The following P3H1 variants were observed in gnomAD, a reference collection of about 807,000 sequenced individuals.
P3H1 encodes growth suppressor 1.
In P3H1, 69 loss-of-function variants were observed where a neutral mutation model predicts 84.0. That is an observed-to-expected ratio of 0.82 (90% confidence interval 0.68 to 1.00). P3H1 has a LOEUF of 1.00. Among genes scored for constraint, P3H1 ranks in the 50% least tolerant of loss-of-function variants. The pLI is 0.00. For synonymous variants in P3H1, 366 were observed against 388.8 expected, an observed-to-expected ratio of 0.94 and a Z score of 0.69; for missense variants, 878 against 962.8, an observed-to-expected ratio of 0.91 and a Z score of 1.17.
At chr1:42,764,974 T>G (rs1652914672) in intron 1 of P3H1, among the ~76,000 whole-genome samples, 1 of 152,178 alleles carries the variant, frequency 6.6e-6, no homozygotes, top group Non-Finnish European at 1.5e-5. Flanking sequence ...TAACCTCCTC[T>G]CTTGTGGACA....
rs1310769642 is a variant in P3H1, at chr1:42,755,500, C to T, written c.1170+48G>A. On this transcript the variant is annotated intron_variant, in intron 6 of 14. Coordinates refer to ENST00000296388, the MANE Select transcript of P3H1 (RefSeq NM_022356.4). ...TTCCCCTCCTCCCCATTCATCTCTCCTGCTCACTCTTTCCCCGCTCCCTTC... is the reference window on the plus strand; with the variant it reads ...TTCCCCTCCTCCCCATTCATCTCTCTTGCTCACTCTTTCCCCGCTCCCTTC... 8 of 1,472,546 alleles carry T rather than the reference C, an allele frequency of 5.4e-6. No individual in the cohort carries two copies. In the South Asian group the frequency reaches 9.1e-5, roughly 17 times the overall value. The allele number at this position is 1,472,546 out of a possible 1,614,324, so 91.2% of individuals were successfully genotyped here. A position where few individuals can be genotyped will look rare whatever the true frequency, so the allele number is the denominator to read the frequency against.
rs746780813 is a variant in P3H1 at position 42,754,048 on chromosome 1, A to G, written c.1345+821T>C. 6.6e-6 allele frequency among the ~76,000 whole-genome samples: 1 copy of G among 152,208 alleles called. No homozygotes were observed. The highest frequency in any genetic ancestry group is 1.5e-5 in the Non-Finnish European group (1 of 68,040). The stretch of plus-strand genomic sequence containing the variant: ...AGACTGGTGGGCAGTGGGCGGGCTC[A>G]CGGAACAAAGTGCAGTCCTGTGTGA... On this transcript the variant is annotated intron_variant, in intron 8 of 14. Coordinates refer to ENST00000296388, the MANE Select transcript of P3H1 (RefSeq NM_022356.4). The surrounding 1 kb of genome is among the most constrained non-coding windows in gnomAD (Gnocchi z 4.0).
chr1:42,757,969 A>G lies in P3H1; in HGVS notation c.941-47T>C, dbSNP rs772321847. The G allele has an allele frequency of 3.2e-6, 5 of 1,575,026 alleles. No homozygotes were observed. The African/African-American group carries it at 6.7e-5, about 21-fold the overall frequency. ...GGCTGAGAGGAAAGAGTCAAAAGGA[A>G]AGGATAAAATCCTAGCACCAGGGAC... On this transcript the variant is annotated intron_variant, in intron 4 of 14. Transcript: ENST00000296388.
chr1:42,757,974 T>TA, intron 4 of P3H1, 52 bp from the exon 5 acceptor site: 1 of 1,558,096 alleles, frequency 6.4e-7, no homozygotes, highest in East Asian at 2.2e-5. Flanking sequence ...AAGGAAAGGA[T>TA]AAAATCCTAG....
At chr1:42,765,428 A>C (rs2124168867) in intron 1 of P3H1, among the ~76,000 whole-genome samples, 1 of 152,386 alleles carries the variant, frequency 6.6e-6, no homozygotes, top group South Asian at 2.1e-4. Context: ...AGCAAGACAA[A>C]GCAAAGACGT....
In P3H1 at chr1:42,763,672, C is replaced by CAAA. The variant is rs766034061; in HGVS notation, c.466-1200_466-1198dup. Among the ~76,000 whole-genome samples the CAAA allele has an allele frequency of 4.1e-4, 17 of 41,498 alleles. 1 individual carries two copies. Among genetic ancestry groups the CAAA allele is most frequent in the East Asian group, 7.7e-4 (1 of 1,300 alleles). 27.2% of individuals were successfully genotyped at this position (41,498 alleles called of 152,430 possible). ...GGGTGACAGAGCGAGACTCTTGTCT[C>CAAA]AAAAAAAAAAAAAAAAAAAAAAAAA... On this transcript the variant is annotated intron_variant, in intron 1 of 14. Coordinates refer to ENST00000296388, the MANE Select transcript of P3H1 (RefSeq NM_022356.4).
rs578161008 is a variant in P3H1, at chr1:42,747,321, C to T, written c.2006G>A (p.Arg669His). ...HGVKAVTRGQ[R>H]CAIALWFTLD... Reference sequence around the variant, plus strand: ...GGTGAACCACAGGGCGATGGCACAGCGCTGCCCCCTGGTGACAGCCTTCAC... The same window carrying T: ...GGTGAACCACAGGGCGATGGCACAGTGCTGCCCCCTGGTGACAGCCTTCAC... The change falls in exon 14 of 15, where the codon CGC becomes CAC. Residue 669 changes from arginine to histidine, a missense_variant. Transcript: ENST00000296388. 2.6e-5 allele frequency: 42 copies of T among 1,611,470 alleles called. No individual in the cohort carries two copies. The highest frequency in any genetic ancestry group is 1.7e-4 in the Admixed American group (10 of 59,968).
Position 42,754,493 on chromosome 1 carries a change from C to T in P3H1, c.1345+376G>A, listed in dbSNP as rs1557568093. Among the ~76,000 whole-genome samples, 1 of 152,120 alleles carries T rather than the reference C, an allele frequency of 6.6e-6. No homozygotes were observed. Among genetic ancestry groups the T allele is most frequent in the Non-Finnish European group, 1.5e-5 (1 of 68,016 alleles). On this transcript the variant is annotated intron_variant, in intron 8 of 14. Transcript: ENST00000296388. This position sits in a 1 kb window ranked among gnomAD's most constrained non-coding sequence, Gnocchi z 4.0. Reference sequence around the variant, plus strand: ...ATGGAAGTGGACAACACTAGTCACTCATGTTTCTGTGACACAGAAGTCTCA... The same window carrying T: ...ATGGAAGTGGACAACACTAGTCACTTATGTTTCTGTGACACAGAAGTCTCA...
At chr1:42,753,798 C>T (rs995049140) in intron 8 of P3H1, among the ~76,000 whole-genome samples, 1 of 152,088 alleles carries the variant, frequency 6.6e-6, no homozygotes, top group Non-Finnish European at 1.5e-5. Context: ...TGCCACATGC[C>T]TGTAATCCCA....
At chr1:42,750,949 G>T (rs1472631245) in intron 10 of P3H1, among the ~76,000 whole-genome samples, 27 of 132,134 alleles carry the variant, frequency 2.0e-4, no homozygotes, top group African/African-American at 7.4e-4. Flanking sequence ...GGTGGTGGGG[G>T]GGTCAGCCCC....
At position 42,754,796 on chromosome 1, in the gene P3H1, G is replaced by A; in HGVS notation, c.1345+73C>T. 6.2e-7 allele frequency: 1 copy of A among 1,606,420 alleles called. No homozygotes were observed. Among genetic ancestry groups the A allele is most frequent in the Non-Finnish European group, 8.5e-7 (1 of 1,174,090 alleles). On this transcript the variant is annotated intron_variant, in intron 8 of 14. Coordinates refer to ENST00000296388, the MANE Select transcript of P3H1 (RefSeq NM_022356.4). This position sits in a 1 kb window ranked among gnomAD's most constrained non-coding sequence, Gnocchi z 4.0. ...CTCTGCAATGCTGGGGTGGAGCGCT[G>A]CCTGGCAAATGTGGGGTGACCTGCC...
intron 10 of P3H1, among the ~76,000 whole-genome samples, chr1:42,752,039 T>C (rs542005978): frequency 6.6e-6 from 1 of 152,356 alleles, no homozygotes; most frequent in African/African-American, 2.4e-5. Context: ...AGCATTCTCA[T>C]AGCTTTGGCG....
rs1651846595 is a variant in P3H1 at position 42,748,278 on chromosome 1, T to C, written c.1760A>G (p.His587Arg). 6.2e-7 allele frequency: 1 copy of C among 1,613,942 alleles called. No homozygotes were observed. The highest frequency in any genetic ancestry group is 8.5e-7 in the Non-Finnish European group (1 of 1,180,010). Residue 587 changes from histidine to arginine, a missense_variant, in exon 12 of 15, where the codon CAC becomes CGC. By Grantham distance (29) the His-to-Arg change is conservative. Transcript: ENST00000296388. ...AERKDDSHPVHVDNCILNAET... is the reference protein window; with the variant it reads ...AERKDDSHPVRVDNCILNAET... ...GGCATTCAGGATGCAGTTGTCCACG[T>C]GGACTGGATGACTATCATCCTTCCT...
chr1:42,751,268 T>C (rs367851462), intron 10 of P3H1, among the ~76,000 whole-genome samples: 4 of 90,964 alleles, frequency 4.4e-5, no homozygotes, highest in South Asian at 4.5e-4. Flanking sequence ...TGTGACCTTA[T>C]CCCCAACCCT....
intron 10 of P3H1, chr1:42,751,558 T>G (rs1353012189): frequency 8.3e-6 from 1 of 120,872 alleles, no homozygotes; most frequent in East Asian, 2.1e-4. Context: ...CACCCAAGAA[T>G]GATCAATAAA....
At chr1:42,751,680 G>C (rs1298187989) in intron 10 of P3H1, 1 of 166,834 alleles carries the variant, frequency 6.0e-6, no homozygotes, top group African/African-American at 2.4e-5. Context: ...ATCCATGTAA[G>C]ATGTGACTTG....
In P3H1 at chr1:42,746,389, A is replaced by G. The variant is rs1651708984; in HGVS notation, c.*308T>C. On this transcript the variant is annotated 3_prime_UTR_variant, in exon 15 of 15. Coordinates refer to ENST00000296388, the MANE Select transcript of P3H1 (RefSeq NM_022356.4). ...ACAAACCAAGTAAAAAAAACCATGAATCATTTATTCTTTGGTTGTCTACAC... is the reference window on the plus strand; with the variant it reads ...ACAAACCAAGTAAAAAAAACCATGAGTCATTTATTCTTTGGTTGTCTACAC... 2.9e-6 allele frequency: 1 copy of G among 347,372 alleles called. No homozygotes were observed. Among genetic ancestry groups the G allele is most frequent in the Admixed American group, 4.3e-5 (1 of 23,030 alleles). 21.5% of individuals were successfully genotyped at this position (347,372 alleles called of 1,614,324 possible). A position where few individuals can be genotyped will look rare whatever the true frequency, so the allele number is the denominator to read the frequency against.
chr1:42,751,561 T>G (rs1288559209), intron 10 of P3H1: 1 of 110,282 alleles, frequency 9.1e-6, no homozygotes, highest in Non-Finnish European at 1.9e-5. Flanking sequence ...CCAAGAATGA[T>G]CAATAAAAAA....
intron 10 of P3H1, among the ~76,000 whole-genome samples, chr1:42,750,946 G>A (rs1652034940): frequency 7.7e-6 from 1 of 130,170 alleles, no homozygotes; most frequent in African/African-American, 2.9e-5. Flanking sequence ...GAGGGTGGTG[G>A]GGGGGTCAGC....
Sources: gnomAD v4.1 joint callset for allele counts (sites outside exome capture counted in the v4.1 genomes callset) on GRCh38, gnomAD v4.1.1 for gene constraint, Gnocchi (gnomAD v3.1) non-coding constraint, MANE v1.5 for transcripts, NCBI Gene and HGNC (gene_info 2026-07-23, HGNC 2026-07-21) for gene names.